The following NPAS3 variants were observed in gnomAD, a reference collection of about 807,000 sequenced individuals.
NPAS3 encodes the protein neuronal PAS domain protein 3.
A neutral mutation model predicts 73.1 loss-of-function variants in NPAS3; 14 were observed. The ratio of observed to expected loss-of-function variants is 0.19; its 90% CI spans 0.13 to 0.30. The LOEUF is 0.30. NPAS3 is among the 10% of genes least tolerant of loss of function. The pLI is 1.00. For synonymous variants in NPAS3, 620 were observed against 541.5 expected, an observed-to-expected ratio of 1.14 and a Z score of -2.01; for missense variants, 1,096 against 1,250.0, an observed-to-expected ratio of 0.88 and a Z score of 1.86.
chr14:33,154,004 G>A (rs1001996533), intron 2 of NPAS3, among the ~76,000 whole-genome samples: 1 of 152,176 alleles, frequency 6.6e-6, no homozygotes, highest in Admixed American at 6.5e-5. Context: ...TCAGAAGGGA[G>A]CATTCAGTGT....
intron 2 of NPAS3, among the ~76,000 whole-genome samples, chr14:33,199,056 G>T (rs967471718): frequency 6.6e-6 from 1 of 152,050 alleles, no homozygotes; most frequent in Non-Finnish European, 1.5e-5. Flanking sequence ...CCGAGCCCAC[G>T]CCCACCTGGA....
intron 4 of NPAS3, among the ~76,000 whole-genome samples, chr14:33,498,374 T>C (rs2052319425): frequency 6.6e-6 from 1 of 152,212 alleles, no homozygotes; most frequent in Non-Finnish European, 1.5e-5. Context: ...ATCATTCTGC[T>C]ATAAAGACAC....
At chr14:33,355,104 C>G (rs890518961) in intron 3 of NPAS3, among the ~76,000 whole-genome samples, 41 of 152,306 alleles carry the variant, frequency 2.7e-4, no homozygotes, top group African/African-American at 9.1e-4. Context: ...ATGAATGAAA[C>G]TCCCATGCCT....
chr14:33,326,121 G>A (rs2140255329), intron 3 of NPAS3, among the ~76,000 whole-genome samples: 1 of 152,174 alleles, frequency 6.6e-6, no homozygotes, highest in Admixed American at 6.5e-5. Flanking sequence ...TTAAGGTGAT[G>A]GTGTGTACAC....
intron 1 of NPAS3, among the ~76,000 whole-genome samples, chr14:32,945,439 C>T (rs1249659788): frequency 6.6e-6 from 1 of 152,150 alleles, no homozygotes; most frequent in African/African-American, 2.4e-5. Flanking sequence ...ATAATTTTCT[C>T]TTTAGTTTCC....
chr14:33,068,770 G>A (rs957020086), intron 2 of NPAS3, among the ~76,000 whole-genome samples: 1 of 152,146 alleles, frequency 6.6e-6, no homozygotes, highest in Non-Finnish European at 1.5e-5. Context: ...GAGGGAGTTA[G>A]GCATTCACAT....
intron 3 of NPAS3, among the ~76,000 whole-genome samples, chr14:33,297,103 C>G (rs2042335026): frequency 6.6e-6 from 1 of 152,090 alleles, no homozygotes; most frequent in Non-Finnish European, 1.5e-5. Flanking sequence ...GAAAACATAA[C>G]TAGAATGGAG....
intron 4 of NPAS3, among the ~76,000 whole-genome samples, chr14:33,528,204 C>T (rs1438557951): frequency 7.2e-5 from 11 of 151,918 alleles, no homozygotes; most frequent in African/African-American, 1.5e-4. Flanking sequence ...AGAGACTCCA[C>T]GAGTTTAATG....
chr14:33,346,710 C>T (rs544483169), intron 3 of NPAS3, among the ~76,000 whole-genome samples: 1 of 152,202 alleles, frequency 6.6e-6, no homozygotes, highest in East Asian at 1.9e-4. Context: ...CTAGGTGAGT[C>T]CGCAAAGCCT....
At chr14:33,726,192 A>T (rs1389084794) in intron 6 of NPAS3, among the ~76,000 whole-genome samples, 1 of 152,116 alleles carries the variant, frequency 6.6e-6, no homozygotes, top group Non-Finnish European at 1.5e-5. Flanking sequence ...TCCTTATCCC[A>T]CTTTTTGACT....
intron 3 of NPAS3, among the ~76,000 whole-genome samples, chr14:33,361,040 A>G (rs1453567759): frequency 2.0e-5 from 3 of 152,310 alleles, no homozygotes; most frequent in East Asian, 1.9e-4. Flanking sequence ...CCCCATATGT[A>G]GCCCGTGTGA....
chr14:33,041,900 C>A (rs1021290751), intron 1 of NPAS3, among the ~76,000 whole-genome samples: 4 of 152,168 alleles, frequency 2.6e-5, no homozygotes, highest in Non-Finnish European at 2.9e-5. Context: ...GTCTCACTGT[C>A]CAGATGTGGT....
intron 3 of NPAS3, among the ~76,000 whole-genome samples, chr14:33,287,093 T>C (rs1187921195): frequency 2.0e-5 from 3 of 152,122 alleles, no homozygotes; most frequent in Non-Finnish European, 4.4e-5. Context: ...AAATAAAATA[T>C]AGGAATATAG....
chr14:33,192,207 A>G (rs544363358), intron 2 of NPAS3, among the ~76,000 whole-genome samples: 14 of 152,338 alleles, frequency 9.2e-5, no homozygotes, highest in Admixed American at 9.1e-4. Flanking sequence ...ATAGATAACC[A>G]TAAGATTGTT....
chr14:33,531,729 G>A (rs2054052815), intron 4 of NPAS3, among the ~76,000 whole-genome samples: 1 of 152,088 alleles, frequency 6.6e-6, no homozygotes, highest in African/African-American at 2.4e-5. Context: ...GTGTGTGTGT[G>A]TATATTTAAC....
chr14:32,998,979 C>G (rs145916750), intron 1 of NPAS3, among the ~76,000 whole-genome samples: 1 of 152,310 alleles, frequency 6.6e-6, no homozygotes, highest in East Asian at 1.9e-4. Context: ...ACACTGTGTG[C>G]TTCATCAGGG....
intron 3 of NPAS3, among the ~76,000 whole-genome samples, chr14:33,216,102 A>T (rs767694649): frequency 6.6e-6 from 1 of 152,150 alleles, no homozygotes; most frequent in Admixed American, 6.6e-5. Flanking sequence ...GCATTTAAAT[A>T]TGCATGGATA....
At chr14:33,379,404 T>C (rs763316337) in intron 4 of NPAS3, among the ~76,000 whole-genome samples, 8 of 152,164 alleles carry the variant, frequency 5.3e-5, no homozygotes, top group Non-Finnish European at 8.8e-5. Flanking sequence ...TAGTAAAAAC[T>C]TTCTTATTGT....
At chr14:33,034,275 C>A (rs1032742768) in intron 1 of NPAS3, among the ~76,000 whole-genome samples, 4 of 151,598 alleles carry the variant, frequency 2.6e-5, no homozygotes, top group African/African-American at 7.3e-5. Context: ...TTTATAAAAA[C>A]ATTTTGTCTT....
Sources: gnomAD v4.1 joint callset for allele counts (sites outside exome capture counted in the v4.1 genomes callset) on GRCh38, gnomAD v4.1.1 for gene constraint, MANE v1.5 for transcripts, NCBI Gene and HGNC (gene_info 2026-07-23, HGNC 2026-07-21) for gene names.